SPHKAP: variants seen among roughly 807,000 people sequenced by gnomAD.
SPHKAP encodes A-kinase anchor protein SPHKAP.
A neutral mutation model predicts 137.5 loss-of-function variants in SPHKAP; 67 were observed. The observed-to-expected ratio is 0.49, with a 90% CI of 0.40 to 0.60. SPHKAP has a LOEUF of 0.60. Among genes scored for constraint, SPHKAP ranks in the 20% least tolerant of loss-of-function variants. The pLI, the probability that SPHKAP is intolerant of heterozygous loss-of-function variation, is 0.00. For missense variants in SPHKAP, 2,097 were observed against 2,069.3 expected, an observed-to-expected ratio of 1.01 and a Z score of -0.26; for synonymous variants, 813 against 785.3, an observed-to-expected ratio of 1.04 and a Z score of -0.59.
At chr2:228,079,748 A>G (rs1001012506) in intron 3 of SPHKAP, among the ~76,000 whole-genome samples, 2 of 152,252 alleles carry the variant, frequency 1.3e-5, no homozygotes, top group African/African-American at 2.4e-5. Flanking sequence ...TCGTATACCC[A>G]GGCTCCAAAC....
At chr2:228,086,723 T>C (rs1403119073) in intron 3 of SPHKAP, among the ~76,000 whole-genome samples, 1 of 152,160 alleles carries the variant, frequency 6.6e-6, no homozygotes, top group Non-Finnish European at 1.5e-5. Context: ...GGAGGAAAGA[T>C]AGTCTGTGAA....
chr2:228,110,073 T>C (rs1212332155), intron 2 of SPHKAP, among the ~76,000 whole-genome samples: 2 of 151,962 alleles, frequency 1.3e-5, no homozygotes, highest in Non-Finnish European at 2.9e-5. Flanking sequence ...CTGCTAATAC[T>C]TGACTACTAC....
chr2:228,122,015 T>C (rs1035584251), intron 2 of SPHKAP, among the ~76,000 whole-genome samples: 1 of 152,070 alleles, frequency 6.6e-6, no homozygotes, highest in Non-Finnish European at 1.5e-5. Context: ...GAGGAGACCT[T>C]GAGGCCAGTG....
intron 3 of SPHKAP, among the ~76,000 whole-genome samples, chr2:228,086,381 G>A (rs1697539951): frequency 6.6e-6 from 1 of 152,024 alleles, no homozygotes; most frequent in Non-Finnish European, 1.5e-5. Flanking sequence ...ATCTAAGAAG[G>A]TGGTGCTTTC....
chr2:228,062,472 G>A lies in SPHKAP; in HGVS notation c.247-34929C>T, dbSNP rs143892408. 1.7e-4 allele frequency among the ~76,000 whole-genome samples: 26 copies of A among 151,972 alleles called. 1 individual carries two copies. The East Asian group carries it at 4.1e-3, about 24-fold the overall frequency. On this transcript the variant is annotated intron_variant, in intron 3 of 11. Transcript: ENST00000392056. ...GTTGCATGTACTCCTCTGTTCTCCCGGTCTCCACCATTTCCTATCACATCT... is the reference window on the plus strand; with the variant it reads ...GTTGCATGTACTCCTCTGTTCTCCCAGTCTCCACCATTTCCTATCACATCT...
intron 11 of SPHKAP, 69 bp downstream of exon 11, chr2:227,990,931 C>A: frequency 6.7e-7 from 1 of 1,495,052 alleles, no homozygotes; most frequent in Non-Finnish European, 9.2e-7. Flanking sequence ...GTTTACTGAG[C>A]ATTTACTGAG....
chr2:228,139,159 G>A (rs942867927), intron 1 of SPHKAP, among the ~76,000 whole-genome samples: 1 of 152,170 alleles, frequency 6.6e-6, no homozygotes, highest in Admixed American at 6.5e-5. Context: ...CATTTGAGAT[G>A]TAATTTGTAA....
chr2:227,983,753 C>T (rs1375127938), intron 11 of SPHKAP, among the ~76,000 whole-genome samples: 1 of 152,136 alleles, frequency 6.6e-6, no homozygotes, highest in Non-Finnish European at 1.5e-5. Context: ...GAGGCTGTTG[C>T]TCGATAATTT....
At chr2:228,114,644 G>C (rs994787542) in intron 2 of SPHKAP, among the ~76,000 whole-genome samples, 2 of 152,128 alleles carry the variant, frequency 1.3e-5, no homozygotes, top group Non-Finnish European at 2.9e-5. Context: ...TTGATACGTG[G>C]TTGCTATTAG....
chr2:228,110,238 A>G (rs1222201554), intron 2 of SPHKAP, among the ~76,000 whole-genome samples: 1 of 152,004 alleles, frequency 6.6e-6, no homozygotes, highest in Non-Finnish European at 1.5e-5. Flanking sequence ...AATACAGTTA[A>G]CTAAATCTAA....
At chr2:228,154,310 A>G (rs1700027238) in intron 1 of SPHKAP, among the ~76,000 whole-genome samples, 1 of 151,608 alleles carries the variant, frequency 6.6e-6, no homozygotes, top group Non-Finnish European at 1.5e-5. Context: ...AACATTTAAA[A>G]CATTCTTAAC....
intron 7 of SPHKAP, among the ~76,000 whole-genome samples, chr2:228,003,048 C>T (rs745531579): frequency 3.2e-4 from 48 of 152,254 alleles, no homozygotes; most frequent in African/African-American, 9.1e-4. Flanking sequence ...CTTGGCAATG[C>T]GGGCTCTTTT....
intron 11 of SPHKAP, among the ~76,000 whole-genome samples, chr2:227,983,515 A>T (rs1693085468): frequency 6.6e-6 from 1 of 152,306 alleles, no homozygotes; most frequent in Non-Finnish European, 1.5e-5. Context: ...CATCTTAGCC[A>T]TCTTTTCATA....
intron 3 of SPHKAP, among the ~76,000 whole-genome samples, chr2:228,031,709 CA>C (rs1370163290): frequency 6.6e-6 from 1 of 152,162 alleles, no homozygotes; most frequent in Non-Finnish European, 1.5e-5. Context: ...TGCAGTTCAC[CA>C]AGATCTGCTG....
At chr2:228,162,937 G>T (rs1207526488) in intron 1 of SPHKAP, among the ~76,000 whole-genome samples, 1 of 152,140 alleles carries the variant, frequency 6.6e-6, no homozygotes, top group South Asian at 2.1e-4. Context: ...GACCTCAGTT[G>T]ATCCATCCAG....
intron 1 of SPHKAP, among the ~76,000 whole-genome samples, chr2:228,153,322 C>G (rs550675872): frequency 1.6e-4 from 24 of 152,232 alleles, no homozygotes; most frequent in African/African-American, 5.8e-4. Flanking sequence ...TTAAAACTTT[C>G]TTCATTTTTT....
intron 5 of SPHKAP, among the ~76,000 whole-genome samples, chr2:228,024,600 T>C (rs970855545): frequency 6.6e-6 from 1 of 152,104 alleles, no homozygotes; most frequent in South Asian, 2.1e-4. Flanking sequence ...TTTGGGCTTT[T>C]TGAGATTTTG....
intron 3 of SPHKAP, among the ~76,000 whole-genome samples, chr2:228,063,170 A>ATCTGTCTGTCTGTCTGTCTG (rs1208275221): frequency 7.2e-6 from 1 of 139,354 alleles, no homozygotes; most frequent in African/African-American, 3.1e-5. Flanking sequence ...CTATCTATCT[A>ATCTGTCTGTCTGTCTGTCTG]TCTATCTGTC....
At chr2:228,158,248 C>T (rs766411592) in intron 1 of SPHKAP, among the ~76,000 whole-genome samples, 1 of 151,900 alleles carries the variant, frequency 6.6e-6, no homozygotes, top group African/African-American at 2.4e-5. Context: ...ACCCACTTTG[C>T]TCTTTTTAAG....
Sources: allele counts gnomAD v4.1 joint callset (sites outside exome capture counted in the v4.1 genomes callset), GRCh38; gene constraint gnomAD v4.1.1; transcripts MANE v1.5; gene names NCBI Gene and HGNC (gene_info 2026-07-23, HGNC 2026-07-21).